Variants in SEZ6L observed in about 807,000 individuals in gnomAD.
The protein encoded by SEZ6L is seizure 6-like protein.
In SEZ6L, 37 loss-of-function variants were observed where a neutral mutation model predicts 106.2. That is an observed-to-expected ratio of 0.35 (90% confidence interval 0.27 to 0.46). The LOEUF is 0.46. Among genes scored for constraint, SEZ6L ranks in the 20% least tolerant of loss-of-function variants. SEZ6L has a pLI of 1.00. For missense variants in SEZ6L, 1,172 were observed against 1,332.8 expected, an observed-to-expected ratio of 0.88 and a Z score of 1.88; for synonymous variants, 541 against 570.4, an observed-to-expected ratio of 0.95 and a Z score of 0.73.
At chr22:26,183,333 C>T (rs1421215307) in intron 1 of SEZ6L, among the ~76,000 whole-genome samples, 1 of 152,178 alleles carries the variant, frequency 6.6e-6, no homozygotes. Flanking sequence ...ACTTATCTAA[C>T]CATTCTTCAA....
intron 1 of SEZ6L, among the ~76,000 whole-genome samples, chr22:26,276,481 T>C (rs1375725281): frequency 6.6e-6 from 1 of 152,244 alleles, no homozygotes; most frequent in Non-Finnish European, 1.5e-5. Flanking sequence ...AGAGAAATTG[T>C]TAACTTACTC....
At chr22:26,318,232 C>A (rs566673752) in intron 9 of SEZ6L, among the ~76,000 whole-genome samples, 1 of 152,124 alleles carries the variant, frequency 6.6e-6, no homozygotes, top group East Asian at 1.9e-4. Flanking sequence ...TGCCACCACA[C>A]CCAGCTAATT....
intron 12 of SEZ6L, among the ~76,000 whole-genome samples, chr22:26,361,160 T>A (rs7290719): frequency 0.63 from 95,701 of 151,836 alleles, 30,722 homozygotes; most frequent in East Asian, 0.97. Context: ...TAAATTATAC[T>A]GTGCAATCTA....
At chr22:26,361,053 G>T (rs900334551) in intron 12 of SEZ6L, among the ~76,000 whole-genome samples, 3 of 152,144 alleles carry the variant, frequency 2.0e-5, no homozygotes, top group Non-Finnish European at 4.4e-5. Context: ...GTGTCCAGAT[G>T]AACTTTTTGT....
At chr22:26,335,772 C>T (rs2082625684) in intron 9 of SEZ6L, among the ~76,000 whole-genome samples, 1 of 152,196 alleles carries the variant, frequency 6.6e-6, no homozygotes, top group Non-Finnish European at 1.5e-5. Context: ...CAGAGGCAGG[C>T]AGGCATCCCC....
chr22:26,237,985 C>T (rs1335760490), intron 1 of SEZ6L, among the ~76,000 whole-genome samples: 1 of 152,306 alleles, frequency 6.6e-6, no homozygotes, highest in East Asian at 1.9e-4. Context: ...TTTCCACCAT[C>T]AAGCCTGCAG....
chr22:26,381,800 C>T lies in SEZ6L; in HGVS notation c.*1505C>T, dbSNP rs2084417713. The T allele has an allele frequency of 6.6e-6, 2 of 302,350 alleles. No homozygotes were observed. The highest frequency in any genetic ancestry group is 4.4e-5 in the African/African-American group (2 of 45,626). 18.7% of individuals were successfully genotyped at this position (302,350 alleles called of 1,614,324 possible). A position where few individuals can be genotyped will look rare whatever the true frequency, so the allele number is the denominator to read the frequency against. ...CCTGGGACCGGTGACATGGTGGTGA[C>T]AGTCAATGGCTTGGACAGACAGACG... On this transcript the variant is annotated 3_prime_UTR_variant, in exon 17 of 17. Coordinates refer to ENST00000248933, the MANE Select transcript of SEZ6L (RefSeq NM_021115.5).
intron 1 of SEZ6L, among the ~76,000 whole-genome samples, chr22:26,206,732 T>C (rs1941291091): frequency 6.6e-6 from 1 of 152,142 alleles, no homozygotes; most frequent in South Asian, 2.1e-4. Flanking sequence ...TCCTAGGAAA[T>C]AAAAAAACAG....
Position 26,306,130 on chromosome 22 carries a change from G to A in SEZ6L, c.1500G>A (p.Leu500=). The change falls in exon 6 of 17, where the codon CTG becomes CTA. Residue 500 remains leucine, a synonymous_variant. Transcript: ENST00000248933. ...ACCTGCACTTTGAGAGGCTGTTGCT[G>A]CATGACAAGGACAGGTAAAGCTCTG... ...KLHLHFERLL[L]HDKDRMTVHS... is the part of the protein sequence containing the mutation. 6.2e-7 allele frequency: 1 copy of A among 1,613,620 alleles called. No homozygotes were observed. Among genetic ancestry groups the A allele is most frequent in the Non-Finnish European group, 8.5e-7 (1 of 1,180,008 alleles).
intron 1 of SEZ6L, among the ~76,000 whole-genome samples, chr22:26,288,011 C>T (rs570777921): frequency 1.2e-4 from 18 of 152,276 alleles, no homozygotes; most frequent in Middle Eastern, 3.4e-3. Flanking sequence ...ACCCTTGTAC[C>T]CTGGGGGACC....
At chr22:26,199,885 C>T (rs1159567960) in intron 1 of SEZ6L, among the ~76,000 whole-genome samples, 1 of 152,236 alleles carries the variant, frequency 6.6e-6, no homozygotes, top group African/African-American at 2.4e-5. Flanking sequence ...GAGTCTCATA[C>T]ATCTCATATT....
At chr22:26,228,725 C>T (rs1434756469) in intron 1 of SEZ6L, among the ~76,000 whole-genome samples, 2 of 152,174 alleles carry the variant, frequency 1.3e-5, no homozygotes, top group Non-Finnish European at 2.9e-5. Flanking sequence ...ATCACAATAA[C>T]ACCATGGGTT....
chr22:26,370,801 C>T (rs1456466690), intron 13 of SEZ6L, among the ~76,000 whole-genome samples: 2 of 151,928 alleles, frequency 1.3e-5, no homozygotes, highest in East Asian at 1.9e-4. Flanking sequence ...CCCAGGAGTT[C>T]GAGACCAGCC....
chr22:26,188,436 G>A (rs772588999), intron 1 of SEZ6L, among the ~76,000 whole-genome samples: 1 of 152,132 alleles, frequency 6.6e-6, no homozygotes, highest in Non-Finnish European at 1.5e-5. Flanking sequence ...CTTGTCACCC[G>A]AGCATGTAAG....
At chr22:26,219,615 A>G (rs1350289908) in intron 1 of SEZ6L, among the ~76,000 whole-genome samples, 5 of 152,244 alleles carry the variant, frequency 3.3e-5, no homozygotes, top group African/African-American at 9.6e-5. Flanking sequence ...GCCATGAGAA[A>G]AAGAAATAAT....
intron 1 of SEZ6L, among the ~76,000 whole-genome samples, chr22:26,287,406 T>C (rs564327897): frequency 2.0e-5 from 3 of 152,276 alleles, no homozygotes; most frequent in South Asian, 2.1e-4. Context: ...CTTTGATTGA[T>C]TGACCGCTTT....
chr22:26,182,375 C>G (rs1026231072), intron 1 of SEZ6L, among the ~76,000 whole-genome samples: 3 of 152,124 alleles, frequency 2.0e-5, no homozygotes, highest in Non-Finnish European at 4.4e-5. Flanking sequence ...ACTCTGCATC[C>G]CAGCTTTATC....
At chr22:26,345,974 G>A (rs915424411) in intron 10 of SEZ6L, among the ~76,000 whole-genome samples, 2 of 152,008 alleles carry the variant, frequency 1.3e-5, no homozygotes, top group Non-Finnish European at 2.9e-5. Context: ...ATATGCAATT[G>A]GATTTGAAGA....
intron 1 of SEZ6L, among the ~76,000 whole-genome samples, chr22:26,275,888 G>A (rs1936769764): frequency 6.6e-6 from 1 of 152,156 alleles, no homozygotes; most frequent in Non-Finnish European, 1.5e-5. Context: ...TGATTTGTTT[G>A]TAATAGGTGG....
Sources: gnomAD v4.1 joint callset for allele counts (sites outside exome capture counted in the v4.1 genomes callset) on GRCh38, gnomAD v4.1.1 for gene constraint, MANE v1.5 for transcripts, NCBI Gene and HGNC (gene_info 2026-07-23, HGNC 2026-07-21) for gene names.